The following ZNF182 variants were observed in gnomAD, a reference collection of about 807,000 sequenced individuals.
ZNF182 encodes the protein zinc finger protein 182.
In ZNF182, 10 loss-of-function variants were observed where a neutral mutation model predicts 28.1. The observed-to-expected ratio is 0.36, with a 90% CI of 0.22 to 0.60. ZNF182 has a LOEUF of 0.60. ZNF182 is among the 20% of genes least tolerant of loss of function. The pLI is 0.75. For missense variants in ZNF182, 352 were observed against 453.2 expected, an observed-to-expected ratio of 0.78 and a Z score of 2.03; for synonymous variants, 156 against 158.7, an observed-to-expected ratio of 0.98 and a Z score of 0.13.
chrX:47,979,866 GGTGTGTGTGTGTGTGT>G (rs56350180), intron 5 of ZNF182, among the ~76,000 whole-genome samples: 10 of 89,758 alleles, frequency 1.1e-4, no homozygotes, highest in East Asian at 3.9e-4. Context: ...GTGTGTGTGG[GGTGTGTGTGTGTGTGT>G]GTGTGTGTGT....
intron 5 of ZNF182, 121 bp from the exon 6 acceptor site, chrX:47,977,918 G>T: frequency 1.5e-6 from 1 of 679,635 alleles, no homozygotes; most frequent in Non-Finnish European, 2.1e-6. Flanking sequence ...TTCCTGGAGA[G>T]AGAGTTTTTT....
chrX:47,987,607 C>T (rs782201206), intron 3 of ZNF182, among the ~76,000 whole-genome samples: 8 of 112,235 alleles, frequency 7.1e-5, no homozygotes, highest in South Asian at 7.4e-4. Flanking sequence ...AAATATGCAA[C>T]GAGGGATGAC....
intron 3 of ZNF182, among the ~76,000 whole-genome samples, chrX:47,989,904 G>T (rs1029267673): frequency 9.0e-6 from 1 of 111,391 alleles, no homozygotes; most frequent in Non-Finnish European, 1.9e-5. Flanking sequence ...AATCTCTAAA[G>T]AGACTGGCCA....
chrX:47,992,380 A>G, intron 3 of ZNF182, among the ~76,000 whole-genome samples: 1 of 111,021 alleles, frequency 9.0e-6, no homozygotes, highest in South Asian at 3.8e-4. Flanking sequence ...TCAGCCTTAT[A>G]TAACCACCTA....
At chrX:47,977,902 T>G in intron 5 of ZNF182, 105 bp from the exon 6 acceptor site, 1 of 774,996 alleles carries the variant, frequency 1.3e-6, no homozygotes, top group Non-Finnish European at 1.8e-6. Flanking sequence ...TCTCATTTTA[T>G]CAGAGTTCCT....
Position 48,003,890 on chromosome X carries a change from C to T in ZNF182, c.-240+19G>A, listed in dbSNP as rs1249483068. On this transcript the variant is annotated intron_variant, in intron 1 of 5. Coordinates refer to ENST00000376943, the MANE Select transcript of ZNF182 (RefSeq NM_001007088.2). ...ATCACTCAGCCCACGACCCCTAGCA[C>T]TTGCCCCCTCAACCTCACTCTCTCT... is the stretch of plus-strand genomic sequence containing the variant. The T allele has an allele frequency of 9.0e-6, 1 of 110,838 alleles. No homozygotes were observed. Among genetic ancestry groups the T allele is most frequent in the Non-Finnish European group, 1.9e-5 (1 of 52,902 alleles). 9.1% of individuals were successfully genotyped at this position (110,838 alleles called of 1,213,427 possible).
At position 47,976,840 on chromosome X, in the gene ZNF182, G is replaced by A; in HGVS notation, c.1190C>T (p.Thr397Ile). ...ATGAGTTCTTTGATGCACAATGAGG[G>A]TTGACTTCTCATTGAAAGACTTCCC... The part of the protein sequence containing the change: ...ECGKSFNEKS[T>I]LIVHQRTHTG... The change falls in exon 6 of 6, where the codon ACC (threonine) becomes ATC (isoleucine). Residue 397 changes from threonine (T) to isoleucine (I), a missense_variant. Transcript: ENST00000376943. 1 of 1,207,659 alleles carries A rather than the reference G, an allele frequency of 8.3e-7. No individual in the cohort carries two copies. Among genetic ancestry groups the A allele is most frequent in the Non-Finnish European group, 1.1e-6 (1 of 893,766 alleles).
intron 3 of ZNF182, among the ~76,000 whole-genome samples, chrX:47,997,504 A>G (rs1396963597): frequency 9.1e-6 from 1 of 110,368 alleles, no homozygotes; most frequent in Non-Finnish European, 1.9e-5. Flanking sequence ...GGATAAAAAA[A>G]TTCACCGGCC....
intron 3 of ZNF182, among the ~76,000 whole-genome samples, chrX:47,995,455 G>T (rs1303296389): frequency 8.9e-6 from 1 of 112,176 alleles, no homozygotes; most frequent in East Asian, 2.8e-4. Flanking sequence ...AAACTTCAAG[G>T]TAAACCAATA....
chrX:48,002,617 T>C lies in ZNF182; in HGVS notation c.-8A>G. The C allele has an allele frequency of 8.3e-7, 1 of 1,210,608 alleles. No homozygotes were observed. The highest frequency in any genetic ancestry group is 1.8e-5 in the South Asian group (1 of 56,533). On this transcript the variant is annotated 5_prime_UTR_variant, in exon 3 of 6. Transcript: ENST00000376943. The stretch of plus-strand genomic sequence containing the variant: ...TACCTGGGGTTTGGCCATTTCCTGC[T>C]CTTCTTGGGAAAAAGCAGAGATGTG...
chrX:47,990,330 A>G (rs782797096), intron 3 of ZNF182, among the ~76,000 whole-genome samples: 1 of 111,133 alleles, frequency 9.0e-6, no homozygotes, highest in Non-Finnish European at 1.9e-5. Flanking sequence ...GTACTGGGCT[A>G]CACAGGGCTC....
Position 47,982,984 on chromosome X carries a change from G to A in ZNF182, c.197C>T (p.Pro66Leu), listed in dbSNP as rs782333958. The A allele has an allele frequency of 1.2e-5, 14 of 1,209,237 alleles. No individual in the cohort carries two copies. Among genetic ancestry groups the A allele is most frequent in the Admixed American group, 4.4e-5 (2 of 45,722 alleles). The change falls in exon 5 of 6, where the codon CCG becomes CTG. Residue 66 changes from proline (P) to leucine (L), a missense_variant. Coordinates refer to ENST00000376943, the MANE Select transcript of ZNF182 (RefSeq NM_001007088.2). ...LILKLEVEEC[P>L]AEGKIPFWNF... ...CCAAAATGGGATTTTTCCTTCTGCC[G>A]GGCATTCTTCTACCTCCAACTTGAG...
chrX:48,003,247 G>A lies in ZNF182; in HGVS notation c.-45+261C>T, dbSNP rs911837258. On this transcript the variant is annotated intron_variant, in intron 2 of 5. Transcript: ENST00000376943. ...GCATACCCCTATACACACCAAAAATGTCTAAAAACGGACATTTAAATGTGT... is the reference window on the plus strand; with the variant it reads ...GCATACCCCTATACACACCAAAAATATCTAAAAACGGACATTTAAATGTGT... Among the ~76,000 whole-genome samples the A allele has an allele frequency of 6.2e-5, 7 of 112,605 alleles. No individual in the cohort carries two copies. The South Asian group carries it at 2.5e-3, about 41-fold the overall frequency.
intron 3 of ZNF182, among the ~76,000 whole-genome samples, chrX:47,985,934 G>A (rs781834949): frequency 8.9e-6 from 1 of 111,897 alleles, no homozygotes; most frequent in East Asian, 2.8e-4. Flanking sequence ...TATAGTGTTG[G>A]CTGGGGTGAC....
intron 3 of ZNF182, among the ~76,000 whole-genome samples, chrX:47,994,477 A>C (rs1411817417): frequency 1.8e-5 from 2 of 111,691 alleles, no homozygotes; most frequent in Non-Finnish European, 3.8e-5. Context: ...ACCAGGAACA[A>C]CAGAGCGGAA....
intron 3 of ZNF182, among the ~76,000 whole-genome samples, chrX:47,990,086 C>T (rs1025442941): frequency 3.6e-5 from 4 of 110,553 alleles, no homozygotes; most frequent in Admixed American, 2.9e-4. Flanking sequence ...CAAATCATAG[C>T]TGACAAATTC....
chrX:47,993,140 T>G (rs2058947473), intron 3 of ZNF182, among the ~76,000 whole-genome samples: 1 of 112,500 alleles, frequency 8.9e-6, no homozygotes, highest in African/African-American at 3.2e-5. Context: ...GCCCAATGAT[T>G]TAATCAATCA....
At chrX:48,003,098 T>C (rs2058984206) in intron 2 of ZNF182, among the ~76,000 whole-genome samples, 1 of 111,904 alleles carries the variant, frequency 8.9e-6, no homozygotes, top group South Asian at 3.7e-4. Flanking sequence ...CTATGCACTT[T>C]GTGGTATATG....
chrX:47,981,009 A>G (rs1033930524), intron 5 of ZNF182, among the ~76,000 whole-genome samples: 2 of 111,942 alleles, frequency 1.8e-5, no homozygotes, highest in African/African-American at 6.5e-5. Context: ...AATACTAACA[A>G]TACTACTGTC....
Sources: gnomAD v4.1 joint callset for allele counts (sites outside exome capture counted in the v4.1 genomes callset) on GRCh38, gnomAD v4.1.1 for gene constraint, MANE v1.5 for transcripts, NCBI Gene and HGNC (gene_info 2026-07-23, HGNC 2026-07-21) for gene names.